The following ZDHHC17 variants were observed in gnomAD, a reference collection of about 807,000 sequenced individuals.
ZDHHC17 encodes the protein zDHHC palmitoyltransferase 17.
A neutral mutation model predicts 90.3 loss-of-function variants in ZDHHC17; 40 were observed. That is an observed-to-expected ratio of 0.44 (90% CI 0.34 to 0.58). The LOEUF is 0.58. ZDHHC17 is among the 20% of genes least tolerant of loss of function. The pLI is 0.01. For synonymous variants in ZDHHC17, 235 were observed against 252.4 expected (o/e 0.93, Z 0.65); for missense variants, 614 against 780.8 (o/e 0.79, Z 2.55).
chr12:76,802,630 T>C (rs941239225), intron 2 of ZDHHC17, among the ~76,000 whole-genome samples: 3 of 152,254 alleles, frequency 2.0e-5, no homozygotes, highest in Non-Finnish European at 2.9e-5. Context: ...CTTTTTTCTT[T>C]CTGCTCCTCA....
At chr12:76,822,644 T>C in intron 8 of ZDHHC17, 113 bp downstream of exon 8, 1 of 808,992 alleles carries the variant, frequency 1.2e-6, no homozygotes, top group East Asian at 2.7e-5. Flanking sequence ...AATCCCTGCC[T>C]CTCGGTTTAA....
chr12:76,825,614 A>G (rs1953221537), intron 8 of ZDHHC17, among the ~76,000 whole-genome samples: 1 of 152,168 alleles, frequency 6.6e-6, no homozygotes, highest in African/African-American at 2.4e-5. Flanking sequence ...CTAAGTTAAA[A>G]TTACACATTT....
chr12:76,829,880 G>A (rs1364390365), intron 10 of ZDHHC17, among the ~76,000 whole-genome samples: 2 of 152,094 alleles, frequency 1.3e-5, no homozygotes, highest in African/African-American at 4.8e-5. Flanking sequence ...CCAGGTTGGA[G>A]TGCAGTGGCA....
intron 3 of ZDHHC17, among the ~76,000 whole-genome samples, chr12:76,808,370 C>T (rs1403649309): frequency 6.6e-6 from 1 of 152,136 alleles, no homozygotes; most frequent in Non-Finnish European, 1.5e-5. Context: ...GCCGCTCACT[C>T]CTGTAATCCC....
chr12:76,772,393 C>T (rs1028645184), intron 1 of ZDHHC17, among the ~76,000 whole-genome samples: 1 of 152,100 alleles, frequency 6.6e-6, no homozygotes, highest in Non-Finnish European at 1.5e-5. Flanking sequence ...TGCATAACCT[C>T]CCTCAGTATG....
chr12:76,767,644 G>T (rs906241207), intron 1 of ZDHHC17, among the ~76,000 whole-genome samples: 2 of 152,214 alleles, frequency 1.3e-5, no homozygotes, highest in African/African-American at 4.8e-5. Flanking sequence ...AGTTGGCTGG[G>T]CGTGGTGGCT....
rs188457942 is a variant in ZDHHC17 at position 76,826,902 on chromosome 12, A to G, written c.898-6A>G. The G allele has an allele frequency of 2.4e-5, 36 of 1,516,216 alleles. No homozygotes were observed. The East Asian group carries it at 5.1e-4, about 22-fold the overall frequency. 93.9% of individuals were successfully genotyped at this position (1,516,216 alleles called of 1,614,324 possible). On this transcript the variant is annotated splice_polypyrimidine_tract_variant and splice_region_variant and intron_variant, in intron 8 of 16. Transcript: ENST00000426126. The stretch of plus-strand genomic sequence containing the variant: ...AAAACTTTTCTAATTTTTTGTTTCT[A>G]TACAGGAATTTCGGCAGAAAGTAAT...
intron 2 of ZDHHC17, among the ~76,000 whole-genome samples, chr12:76,804,326 T>A (rs1256955360): frequency 1.3e-5 from 2 of 152,158 alleles, no homozygotes; most frequent in African/African-American, 4.8e-5. Flanking sequence ...CTGCTACTAT[T>A]AAAAACCAAA....
intron 2 of ZDHHC17, among the ~76,000 whole-genome samples, chr12:76,804,146 T>C (rs1952926672): frequency 6.6e-6 from 1 of 152,202 alleles, no homozygotes; most frequent in African/African-American, 2.4e-5. Flanking sequence ...AAAGGTTGGT[T>C]TGGAAAATGG....
chr12:76,768,846 G>T (rs1952460134), intron 1 of ZDHHC17, among the ~76,000 whole-genome samples: 1 of 151,886 alleles, frequency 6.6e-6, no homozygotes, highest in Non-Finnish European at 1.5e-5. Context: ...GATTATCTAG[G>T]GCTTTCATCT....
At chr12:76,834,230 GCTT>G (rs1398927462) in intron 10 of ZDHHC17, among the ~76,000 whole-genome samples, 1 of 152,002 alleles carries the variant, frequency 6.6e-6, no homozygotes, top group East Asian at 1.9e-4. Context: ...CTCTGACTAT[GCTT>G]CTTTTATTAT....
intron 1 of ZDHHC17, among the ~76,000 whole-genome samples, chr12:76,774,716 G>A (rs986746158): frequency 4.6e-5 from 7 of 152,242 alleles, no homozygotes; most frequent in African/African-American, 1.7e-4. Flanking sequence ...TTATTATCTG[G>A]AAAGTGGGGT....
In ZDHHC17 at chr12:76,799,541, C is replaced by T. The variant is rs1244254225; in HGVS notation, c.197+2004C>T. ...GAAGAGCTTCAGACTTCCCTGAATGCCTTGGAATTATATACAGAATTCTGC... is the reference window on the plus strand; with the variant it reads ...GAAGAGCTTCAGACTTCCCTGAATGTCTTGGAATTATATACAGAATTCTGC... On this transcript the variant is annotated intron_variant, in intron 2 of 16. Coordinates refer to ENST00000426126, the MANE Select transcript of ZDHHC17 (RefSeq NM_015336.4). 5.9e-5 allele frequency among the ~76,000 whole-genome samples: 9 copies of T among 152,220 alleles called. No individual in the cohort carries two copies. In the East Asian group the frequency reaches 1.7e-3, roughly 29 times the overall value.
At chr12:76,822,315 G>A in intron 7 of ZDHHC17, 91 bp from the exon 8 acceptor site, 1 of 1,509,762 alleles carries the variant, frequency 6.6e-7, no homozygotes, top group East Asian at 2.3e-5. Flanking sequence ...TAATAGGGCA[G>A]TAAATTAATT....
rs746681466 is a variant in ZDHHC17 at position 76,797,570 on chromosome 12, A to C, written c.197+33A>C. The C allele has an allele frequency of 2.7e-6, 4 of 1,490,498 alleles. No homozygotes were observed. In the African/African-American group the frequency reaches 4.2e-5, roughly 16 times the overall value. The allele number at this position is 1,490,498 out of a possible 1,614,324, so 92.3% of individuals were successfully genotyped here. On this transcript the variant is annotated intron_variant, in intron 2 of 16. Coordinates refer to ENST00000426126, the MANE Select transcript of ZDHHC17 (RefSeq NM_015336.4). ...TTTTGTTGTAGTTGTTTTCTTTGGC[A>C]TGTGTATTTCAAGTGAAATATGAAT...
chr12:76,820,936 A>T, intron 7 of ZDHHC17: 1 of 554,862 alleles, frequency 1.8e-6, no homozygotes, highest in South Asian at 1.7e-5. Context: ...GTTTTAATAT[A>T]CTTCTTTAAA....
intron 7 of ZDHHC17, among the ~76,000 whole-genome samples, chr12:76,817,687 A>G (rs1413384380): frequency 1.3e-5 from 2 of 152,114 alleles, no homozygotes; most frequent in Non-Finnish European, 2.9e-5. Context: ...CTTTTCAAGT[A>G]AATAATGAAG....
chr12:76,795,936 C>T (rs1343657670), intron 1 of ZDHHC17, among the ~76,000 whole-genome samples: 1 of 152,112 alleles, frequency 6.6e-6, no homozygotes, highest in Non-Finnish European at 1.5e-5. Flanking sequence ...TGTATTTTAA[C>T]ATTGGCTATA....
intron 1 of ZDHHC17, among the ~76,000 whole-genome samples, chr12:76,780,592 A>T (rs764625202): frequency 3.4e-4 from 51 of 152,170 alleles, no homozygotes; most frequent in Non-Finnish European, 5.7e-4. Flanking sequence ...TGCTGTTCCC[A>T]GTTCCTTTTC....
Sources: allele counts gnomAD v4.1 joint callset (sites outside exome capture counted in the v4.1 genomes callset), GRCh38; gene constraint gnomAD v4.1.1; transcripts MANE v1.5; gene names NCBI Gene and HGNC (gene_info 2026-07-23, HGNC 2026-07-21).